The following HSP90AA1 variants were observed in gnomAD, a reference collection of about 807,000 sequenced individuals.
HSP90AA1 encodes heat shock protein 90 alpha family class A member 1, also known as heat shock protein HSP 90-alpha.
HSP90AA1 carries 18 observed loss-of-function variants against 73.3 expected under a neutral mutation model. The observed-to-expected ratio is 0.25, with a 90% CI of 0.17 to 0.36. The LOEUF is 0.36. HSP90AA1 is among the 10% of genes least tolerant of loss of function. The probability of loss-of-function intolerance (pLI) is 1.00; values close to 1 mark genes in which losing one functional copy is unlikely to be tolerated. For missense variants in HSP90AA1, 704 were observed against 874.2 expected (o/e 0.81, Z 2.45); for synonymous variants, 477 against 296.9 (o/e 1.61, Z -6.24).
intron 1 of HSP90AA1, among the ~76,000 whole-genome samples, chr14:102,124,480 A>G (rs2049817743): frequency 6.6e-6 from 1 of 152,186 alleles, no homozygotes; most frequent in South Asian, 2.1e-4. Flanking sequence ...GGTGTGAGCC[A>G]CTGTGCCTGG....
intron 3 of HSP90AA1, 160 bp from the exon 4 acceptor site, chr14:102,085,591 G>C: frequency 1.6e-6 from 2 of 1,250,292 alleles, no homozygotes; most frequent in South Asian, 1.3e-5. Context: ...TCGCCCAAAA[G>C]AACCGCCCAC....
chr14:102,098,714 G>A (rs1239879515), intron 2 of HSP90AA1, among the ~76,000 whole-genome samples: 1 of 151,532 alleles, frequency 6.6e-6, no homozygotes, highest in Non-Finnish European at 1.5e-5. Context: ...TGCCTGCCTT[G>A]GTCCCCCAAA....
At chr14:102,098,039 C>G (rs917441463) in intron 2 of HSP90AA1, among the ~76,000 whole-genome samples, 3 of 152,170 alleles carry the variant, frequency 2.0e-5, no homozygotes, top group Non-Finnish European at 4.4e-5. Flanking sequence ...TCAACATTAT[C>G]CCTTCCGGAT....
chr14:102,093,391 C>G (rs1308315036), intron 2 of HSP90AA1, among the ~76,000 whole-genome samples: 3 of 151,216 alleles, frequency 2.0e-5, no homozygotes, highest in African/African-American at 7.3e-5. Context: ...TGCCTGTAAT[C>G]CCAGCTACTC....
At position 102,101,285 on chromosome 14, in the gene HSP90AA1, C is replaced by T. The variant is rs564016578; in HGVS notation, c.366+590G>A. ...TGTGTCTAACCAGAGGCCAGAGTGACGTTCTAAGGCACTGAGTGTGACTGT... is the reference window on the plus strand; with the variant it reads ...TGTGTCTAACCAGAGGCCAGAGTGATGTTCTAAGGCACTGAGTGTGACTGT... On this transcript the variant is annotated intron_variant, in intron 2 of 11. Transcript: ENST00000334701. 3.3e-5 allele frequency among the ~76,000 whole-genome samples: 5 copies of T among 152,320 alleles called. No homozygotes were observed. In the Middle Eastern group the frequency reaches 0.01, roughly 311 times the overall value.
intron 1 of HSP90AA1, among the ~76,000 whole-genome samples, chr14:102,119,378 C>T: frequency 6.6e-6 from 1 of 152,144 alleles, no homozygotes; most frequent in Non-Finnish European, 1.5e-5. Context: ...TTAAAATTTT[C>T]ATCATAAAGA....
At chr14:102,089,111 G>A (rs895438558), upstream of HSP90AA1, among the ~76,000 whole-genome samples, 1 of 152,004 alleles carries the variant, frequency 6.6e-6, no homozygotes, top group Non-Finnish European at 1.5e-5. Context: ...AGTAGAGACG[G>A]GGTTTCACCA....
At chr14:102,110,730 C>T (rs1014174297) in intron 1 of HSP90AA1, among the ~76,000 whole-genome samples, 7 of 152,142 alleles carry the variant, frequency 4.6e-5, no homozygotes, top group African/African-American at 1.7e-4. Context: ...CAGGTGCCCC[C>T]CACCACGCCC....
intron 1 of HSP90AA1, among the ~76,000 whole-genome samples, chr14:102,124,095 T>G (rs770503279): frequency 7.2e-5 from 11 of 152,130 alleles, no homozygotes; most frequent in Non-Finnish European, 1.5e-4. Context: ...TTTATCTTAT[T>G]TTGTTATTGT....
In HSP90AA1 at chr14:102,130,559, G is replaced by A. The variant is rs1043840157; in HGVS notation, c.155+8691C>T. ...CTAATAATGTTGTGAATCTTTTCAC[G>A]TGCTCCCTGGCCATTTGTGTAACTT... is the stretch of plus-strand genomic sequence containing the variant. On this transcript the variant is annotated intron_variant, in intron 1 of 11. Coordinates refer to the HSP90AA1 transcript ENST00000334701. Among the ~76,000 whole-genome samples the A allele has an allele frequency of 3.9e-5, 6 of 152,038 alleles. No homozygotes were observed. The East Asian group carries it at 9.6e-4, about 24-fold the overall frequency.
chr14:102,094,977 A>G (rs2049406003), intron 2 of HSP90AA1, among the ~76,000 whole-genome samples: 1 of 152,134 alleles, frequency 6.6e-6, no homozygotes, highest in Non-Finnish European at 1.5e-5. Context: ...CAGGAGCCCC[A>G]GAGGCTCCCG....
chr14:102,137,086 C>G (rs866519182), intron 1 of HSP90AA1, among the ~76,000 whole-genome samples: 1 of 151,284 alleles, frequency 6.6e-6, no homozygotes, highest in Non-Finnish European at 1.5e-5. Context: ...TGGTGGCATG[C>G]GCCTGTAATC....
chr14:102,084,608 A>G (rs775707451), intron 5 of HSP90AA1, 44 bp from the exon 6 acceptor site: 1 of 1,614,242 alleles, frequency 6.2e-7, no homozygotes, highest in Non-Finnish European at 8.5e-7. Context: ...ACAATGCATT[A>G]TAGAAGATAT....
At chr14:102,107,383 G>A (rs2049582584) in intron 1 of HSP90AA1, among the ~76,000 whole-genome samples, 1 of 151,940 alleles carries the variant, frequency 6.6e-6, no homozygotes, top group Admixed American at 6.6e-5. Flanking sequence ...GGAGTGCAGT[G>A]GCATGATCTC....
chr14:102,087,240 C>T (rs1047860859), upstream of HSP90AA1: 3 of 853,594 alleles, frequency 3.5e-6, no homozygotes, highest in African/African-American at 1.8e-5. Context: ...GCTCGTGGCC[C>T]GGCCCGGGCA....
At chr14:102,096,853 T>C (rs1169565824) in intron 2 of HSP90AA1, among the ~76,000 whole-genome samples, 1 of 152,188 alleles carries the variant, frequency 6.6e-6, no homozygotes, top group Non-Finnish European at 1.5e-5. Flanking sequence ...ATTCCCTGTG[T>C]ATGGGAGAAT....
At chr14:102,099,507 G>A (rs534104241) in intron 2 of HSP90AA1, among the ~76,000 whole-genome samples, 12 of 152,244 alleles carry the variant, frequency 7.9e-5, no homozygotes, top group South Asian at 6.2e-4. Flanking sequence ...GTGGTGAGCC[G>A]AGAGCGCACC....
At chr14:102,139,470 C>T in exon 1 of HSP90AA1, 3 of 1,455,410 alleles carry the variant, frequency 2.1e-6, no homozygotes, top group Non-Finnish European at 2.7e-6. Flanking sequence ...TGGCGCTCTT[C>T]CTCCGCTCTT....
chr14:102,101,910 T>G (rs144882817), exon 2 of HSP90AA1: 50 of 1,613,924 alleles, frequency 3.1e-5, no homozygotes, highest in Non-Finnish European at 3.9e-5. Context: ...TGCAGATCCT[T>G]GTAGAGGTGT....
Sources: gnomAD v4.1 joint callset for allele counts (sites outside exome capture counted in the v4.1 genomes callset) on GRCh38, gnomAD v4.1.1 for gene constraint, MANE v1.5 for transcripts, NCBI Gene and HGNC (gene_info 2026-07-23, HGNC 2026-07-21) for gene names.